The following HLA-DPA1 variants were observed in gnomAD, a reference collection of about 807,000 sequenced individuals.
The protein encoded by HLA-DPA1 is major histocompatibility complex, class II, DP alpha 1.
In HLA-DPA1, 20 loss-of-function variants were observed where a neutral mutation model predicts 21.5. The observed-to-expected ratio is 0.93, with a 90% CI of 0.66 to 1.35. HLA-DPA1 has a LOEUF of 1.35. HLA-DPA1 is among the 40% of genes most tolerant of loss of function. The pLI is 0.00. For missense variants in HLA-DPA1, 279 were observed against 323.0 expected, an observed-to-expected ratio of 0.86 and a Z score of 1.05; for synonymous variants, 123 against 129.6, an observed-to-expected ratio of 0.95 and a Z score of 0.35.
In HLA-DPA1 at chr6:33,080,304, C is replaced by T. The variant is rs957317204; in HGVS notation, c.-100+376G>A. 2 of 429,644 alleles carry T rather than the reference C, an allele frequency of 4.7e-6. No individual in the cohort carries two copies. Among genetic ancestry groups the T allele is most frequent in the Admixed American group, 5.9e-5 (2 of 34,112 alleles). The allele number at this position is 429,644 out of a possible 1,614,324, so 26.6% of individuals were successfully genotyped here. A position where few individuals can be genotyped will look rare whatever the true frequency, so the allele number is the denominator to read the frequency against. Reference sequence around the variant, plus strand: ...GTTAAGTAGGGGGAGCAGCTCCGCCCTCCACGTCCCCAGCTCCTCCCGCCC... The same window carrying T: ...GTTAAGTAGGGGGAGCAGCTCCGCCTTCCACGTCCCCAGCTCCTCCCGCCC... On this transcript the variant is annotated intron_variant, in intron 1 of 5. Coordinates refer to ENST00000419277, the Ensembl canonical transcript of HLA-DPA1. This position sits in a 1 kb window ranked among gnomAD's most constrained non-coding sequence, Gnocchi z 4.3.
chr6:33,074,913 T>C (rs74341050), intron 1 of HLA-DPA1, among the ~76,000 whole-genome samples: 1,828 of 152,322 alleles, frequency 0.012, 12 homozygotes, highest in South Asian at 0.049. Context: ...TTCTACTACA[T>C]AATTATTTTC....
At chr6:33,073,889 C>A in intron 1 of HLA-DPA1, 1 of 276,568 alleles carries the variant, frequency 3.6e-6, no homozygotes, top group Non-Finnish European at 6.8e-6. Flanking sequence ...CTTCTTCTGA[C>A]GGCAAATGTT....
rs533284026 is a variant in HLA-DPA1, at chr6:33,080,262, G to C, written c.-100+418C>G. ...TTGAACCAGGACTGACATCAGGATGGAAATGTCAGTCAGGGAGTTAAGTAG... is the reference window on the plus strand; with the variant it reads ...TTGAACCAGGACTGACATCAGGATGCAAATGTCAGTCAGGGAGTTAAGTAG... On this transcript the variant is annotated intron_variant, in intron 1 of 5. Transcript: ENST00000419277. This position sits in a 1 kb window ranked among gnomAD's most constrained non-coding sequence, Gnocchi z 4.3. 5.4e-6 allele frequency: 2 copies of C among 369,852 alleles called. No individual in the cohort carries two copies. The highest frequency in any genetic ancestry group is 4.2e-5 in the South Asian group (2 of 47,796). The allele number at this position is 369,852 out of a possible 1,614,324, so 22.9% of individuals were successfully genotyped here.
At chr6:33,073,119 T>A (rs1340973632) in intron 2 of HLA-DPA1, among the ~76,000 whole-genome samples, 3 of 152,250 alleles carry the variant, frequency 2.0e-5, no homozygotes, top group African/African-American at 7.2e-5. Context: ...GAGCTGGGTC[T>A]GGACTTCAAA....
intron 3 of HLA-DPA1, 85 bp downstream of exon 2, chr6:33,069,547 GGGGGCACTT>G: frequency 6.8e-7 from 1 of 1,463,980 alleles, no homozygotes; most frequent in Non-Finnish European, 9.4e-7. Context: ...TCACACAGCA[GGGGGCACTT>G]AGGCTTCCTA....
intron 2 of HLA-DPA1, among the ~76,000 whole-genome samples, chr6:33,071,964 T>G (rs1762302765): frequency 6.6e-6 from 1 of 151,890 alleles, no homozygotes; most frequent in South Asian, 2.1e-4. Context: ...GAACTGAGAG[T>G]CATTAGTGGC....
At chr6:33,074,556 A>G (rs879103643) in intron 1 of HLA-DPA1, among the ~76,000 whole-genome samples, 1 of 152,224 alleles carries the variant, frequency 6.6e-6, no homozygotes, top group Non-Finnish European at 1.5e-5. Flanking sequence ...AGGTCACAAA[A>G]CATTTACTAT....
intron 2 of HLA-DPA1, among the ~76,000 whole-genome samples, chr6:33,071,275 T>C (rs190513163): frequency 6.6e-6 from 1 of 152,142 alleles, no homozygotes; most frequent in Non-Finnish European, 1.5e-5. Context: ...TATTTGAAAC[T>C]AAACAAAACA....
At chr6:33,073,344 A>C (rs1160171667) in intron 2 of HLA-DPA1, 127 bp downstream of exon 1, 1 of 666,992 alleles carries the variant, frequency 1.5e-6, no homozygotes, top group African/African-American at 1.8e-5. Flanking sequence ...TGAGGGCCAG[A>C]GGGAACATAG....
intron 1 of HLA-DPA1, chr6:33,079,750 C>G (rs556415062): frequency 1.0e-5 from 5 of 498,918 alleles, no homozygotes; most frequent in African/African-American, 5.9e-5. Flanking sequence ...GTGCTGAGAT[C>G]GCTCACAAAA....
chr6:33,069,154 C>T, exon 4 of HLA-DPA1: 1 of 1,613,056 alleles, frequency 6.2e-7, no homozygotes, highest in Non-Finnish European at 8.5e-7. Flanking sequence ...AAGAGGCTCT[C>T]AGCGACACCC....
chr6:33,074,008 A>G (rs1762418117), intron 1 of HLA-DPA1, among the ~76,000 whole-genome samples: 1 of 152,220 alleles, frequency 6.6e-6, no homozygotes, highest in Non-Finnish European at 1.5e-5. Context: ...TATGTTGTCA[A>G]TATTTTACAA....
At chr6:33,080,732 T>C (rs1465711975), upstream of HLA-DPA1, 1 of 1,613,438 alleles carries the variant, frequency 6.2e-7, no homozygotes, top group East Asian at 2.2e-5. This position sits in a 1 kb window ranked among gnomAD's most constrained non-coding sequence, Gnocchi z 4.3. Flanking sequence ...CAGCGCTTCC[T>C]GGAGAGATAC....
At chr6:33,074,418 T>C (rs577776641) in intron 1 of HLA-DPA1, among the ~76,000 whole-genome samples, 1 of 152,338 alleles carries the variant, frequency 6.6e-6, no homozygotes, top group South Asian at 2.1e-4. Context: ...AGGGTTTCTC[T>C]AATGTTTTTC....
At chr6:33,067,729 C>T (rs1170670604) in intron 5 of HLA-DPA1, 1 of 152,136 alleles carries the variant, frequency 6.6e-6, no homozygotes, top group Non-Finnish European at 1.5e-5. Flanking sequence ...GACACTACTA[C>T]ATATTACAGA....
chr6:33,074,820 G>A (rs919367030), intron 1 of HLA-DPA1, among the ~76,000 whole-genome samples: 6 of 152,150 alleles, frequency 3.9e-5, no homozygotes, highest in African/African-American at 1.4e-4. Context: ...ATGACAAGGA[G>A]AAAAGTCCCA....
At chr6:33,070,999 G>A (rs1458993256) in intron 2 of HLA-DPA1, among the ~76,000 whole-genome samples, 1 of 152,180 alleles carries the variant, frequency 6.6e-6, no homozygotes, top group African/African-American at 2.4e-5. Flanking sequence ...CGATGAATGT[G>A]TATGTGAAAG....
exon 6 of HLA-DPA1, chr6:33,064,976 C>T (rs1761886727): frequency 6.6e-6 from 1 of 152,080 alleles, no homozygotes; most frequent in Non-Finnish European, 1.5e-5. Flanking sequence ...GTGACCTGGT[C>T]CTAGACTTCC....
At chr6:33,076,071 C>A in intron 1 of HLA-DPA1, 1 of 1,612,632 alleles carries the variant, frequency 6.2e-7, no homozygotes, top group Non-Finnish European at 8.5e-7. Context: ...CTGCGGCCCC[C>A]CGGACAGTGG....
Sources: gnomAD v4.1 joint callset for allele counts (sites outside exome capture counted in the v4.1 genomes callset) on GRCh38, gnomAD v4.1.1 for gene constraint, Gnocchi (gnomAD v3.1) non-coding constraint, MANE v1.5 for transcripts, NCBI Gene and HGNC (gene_info 2026-07-23, HGNC 2026-07-21) for gene names.